Variants in ASIC2 observed in about 807,000 individuals in gnomAD.
The protein encoded by ASIC2 is acid-sensing ion channel 2.
ASIC2 carries 25 observed loss-of-function variants against 57.3 expected under a neutral mutation model. The ratio of observed to expected loss-of-function variants is 0.44; its 90% CI spans 0.32 to 0.61. The LOEUF (loss-of-function observed/expected upper bound fraction) is 0.61, where lower values mean the gene tolerates loss of function less well. ASIC2 is among the 20% of genes least tolerant of loss of function. The pLI is 0.06. For synonymous variants in ASIC2, 319 were observed against 307.5 expected, an observed-to-expected ratio of 1.04 and a Z score of -0.39; for missense variants, 641 against 738.1, an observed-to-expected ratio of 0.87 and a Z score of 1.52.
intron 1 of ASIC2, among the ~76,000 whole-genome samples, chr17:33,661,244 T>C (rs1017139804): frequency 6.6e-6 from 1 of 152,204 alleles, no homozygotes; most frequent in Non-Finnish European, 1.5e-5. Context: ...TCTCGCAAGC[T>C]ACCACCCTGA....
chr17:33,446,002 C>T (rs1912004035), intron 1 of ASIC2, among the ~76,000 whole-genome samples: 1 of 151,806 alleles, frequency 6.6e-6, no homozygotes, highest in African/African-American at 2.4e-5. Context: ...ACCTTATGTA[C>T]ACCTTTTATG....
chr17:33,819,654 G>C (rs930030290), intron 1 of ASIC2, among the ~76,000 whole-genome samples: 1 of 152,172 alleles, frequency 6.6e-6, no homozygotes, highest in Non-Finnish European at 1.5e-5. Context: ...TGTGACCTTG[G>C]CCATGCCAGA....
chr17:34,007,615 G>T (rs1189226200), intron 1 of ASIC2, among the ~76,000 whole-genome samples: 3 of 152,220 alleles, frequency 2.0e-5, no homozygotes, highest in Non-Finnish European at 4.4e-5. Flanking sequence ...GGAATGCATG[G>T]CAGAGCCAGA....
At chr17:33,530,513 C>T (rs1454283562) in intron 1 of ASIC2, among the ~76,000 whole-genome samples, 3 of 152,246 alleles carry the variant, frequency 2.0e-5, no homozygotes, top group Admixed American at 6.5e-5. Flanking sequence ...CACTGCCAGA[C>T]CTTTTAATGA....
At chr17:33,796,595 A>C (rs1911926309) in intron 1 of ASIC2, among the ~76,000 whole-genome samples, 1 of 152,230 alleles carries the variant, frequency 6.6e-6, no homozygotes, top group Admixed American at 6.5e-5. Flanking sequence ...TATCATGGTC[A>C]ACTTTAAATA....
At chr17:33,096,861 G>A (rs1194053065) in intron 2 of ASIC2, among the ~76,000 whole-genome samples, 1 of 152,212 alleles carries the variant, frequency 6.6e-6, no homozygotes, top group Non-Finnish European at 1.5e-5. Flanking sequence ...TCTGGGACAG[G>A]TGCACACTGG....
intron 1 of ASIC2, among the ~76,000 whole-genome samples, chr17:33,476,003 T>C (rs1913208171): frequency 6.6e-6 from 1 of 152,176 alleles, no homozygotes; most frequent in South Asian, 2.1e-4. Context: ...GCTGGGAGGT[T>C]ATTATTTGGT....
chr17:33,311,491 T>G (rs1597677386), intron 1 of ASIC2, among the ~76,000 whole-genome samples: 1 of 151,378 alleles, frequency 6.6e-6, no homozygotes, highest in Non-Finnish European at 1.5e-5. Flanking sequence ...ATAGTCAGGG[T>G]AGGGGAATGC....
chr17:33,915,445 C>T lies in ASIC2; in HGVS notation c.555+240533G>A, dbSNP rs76819781. On this transcript the variant is annotated intron_variant, in intron 1 of 9. Transcript: ENST00000359872. ...ACTGCCCTGGCATCTCTCTCACCTT[C>T]AATGTCTTCCTACTTGCCTTGGGGT... is the stretch of plus-strand genomic sequence containing the variant. Among the ~76,000 whole-genome samples the T allele has an allele frequency of 9.4e-3, 1,429 of 152,308 alleles. 26 individuals are homozygous for T. The highest frequency in any genetic ancestry group is 0.033 in the African/African-American group (1,364 of 41,568).
intron 1 of ASIC2, among the ~76,000 whole-genome samples, chr17:33,311,840 C>T (rs748684070): frequency 2.6e-5 from 4 of 152,118 alleles, no homozygotes; most frequent in Non-Finnish European, 1.5e-5. Flanking sequence ...TCCCTGGTTT[C>T]GACTCTCATC....
chr17:33,233,729 AG>A (rs1352055227), intron 1 of ASIC2, among the ~76,000 whole-genome samples: 8 of 152,210 alleles, frequency 5.3e-5, no homozygotes, highest in African/African-American at 1.9e-4. Context: ...TTCCAATGTC[AG>A]ATGACTTGAG....
At chr17:33,664,478 A>C (rs1907405310) in intron 1 of ASIC2, among the ~76,000 whole-genome samples, 1 of 152,202 alleles carries the variant, frequency 6.6e-6, no homozygotes, top group African/African-American at 2.4e-5. Context: ...AAGATGATCC[A>C]ATGAGAGCTG....
At chr17:33,227,273 T>C (rs542134954) in intron 1 of ASIC2, among the ~76,000 whole-genome samples, 182 of 152,352 alleles carry the variant, frequency 1.2e-3, no homozygotes, top group African/African-American at 4.2e-3. Flanking sequence ...TCTTCTAGAA[T>C]TGTGTCATTT....
In ASIC2 at chr17:33,564,056, C is replaced by G. The variant is rs138214745; in HGVS notation, c.556-451989G>C. Among the ~76,000 whole-genome samples the G allele has an allele frequency of 3.9e-5, 6 of 152,272 alleles. No individual in the cohort carries two copies. In the East Asian group the frequency reaches 1.2e-3, roughly 29 times the overall value. On this transcript the variant is annotated intron_variant, in intron 1 of 9. Coordinates refer to the ASIC2 transcript ENST00000359872. Reference sequence around the variant, plus strand: ...AGCTCCCTGCAGGAAGTCACATATTCCTGTGGTGGGAGGAGCACCGCGGCA... The same window carrying G: ...AGCTCCCTGCAGGAAGTCACATATTGCTGTGGTGGGAGGAGCACCGCGGCA...
At chr17:33,809,675 A>G (rs1044362076) in intron 1 of ASIC2, among the ~76,000 whole-genome samples, 4 of 152,190 alleles carry the variant, frequency 2.6e-5, no homozygotes, top group Non-Finnish European at 4.4e-5. Flanking sequence ...TATGTTGGGA[A>G]CCCAGCCCGA....
chr17:33,491,266 A>T (rs902491809), intron 1 of ASIC2, among the ~76,000 whole-genome samples: 4 of 152,186 alleles, frequency 2.6e-5, no homozygotes, highest in Admixed American at 6.5e-5. Context: ...ACAATGGGGA[A>T]GGGAGGGATG....
intron 1 of ASIC2, among the ~76,000 whole-genome samples, chr17:33,611,915 C>T (rs963489253): frequency 6.6e-6 from 1 of 152,092 alleles, no homozygotes; most frequent in Admixed American, 6.5e-5. Flanking sequence ...GCTCAGAAGT[C>T]CAAGATCTGC....
chr17:33,416,437 C>T (rs1910843538), intron 1 of ASIC2, among the ~76,000 whole-genome samples: 2 of 152,218 alleles, frequency 1.3e-5, no homozygotes, highest in Non-Finnish European at 2.9e-5. Flanking sequence ...TGCCTCCTCC[C>T]ATGGGCCTTC....
chr17:33,274,801 G>C (rs567805917), intron 1 of ASIC2, among the ~76,000 whole-genome samples: 12 of 152,308 alleles, frequency 7.9e-5, no homozygotes, highest in Admixed American at 3.3e-4. Context: ...TAGAGGCCCA[G>C]AGCGGGCAGC....
Sources: gnomAD v4.1 joint callset for allele counts (sites outside exome capture counted in the v4.1 genomes callset) on GRCh38, gnomAD v4.1.1 for gene constraint, MANE v1.5 for transcripts, NCBI Gene and HGNC (gene_info 2026-07-23, HGNC 2026-07-21) for gene names.